DNER: variants seen among roughly 807,000 people sequenced by gnomAD.
The protein encoded by DNER is delta/notch like EGF repeat containing, also known as delta and Notch-like epidermal growth factor-related receptor.
A neutral mutation model predicts 78.2 loss-of-function variants in DNER; 33 were observed. That is an observed-to-expected ratio of 0.42 (90% confidence interval 0.32 to 0.56). The LOEUF (loss-of-function observed/expected upper bound fraction) is 0.56, where lower values mean the gene tolerates loss of function less well. DNER is among the 20% of genes least tolerant of loss of function. DNER has a pLI of 0.11. For synonymous variants in DNER, 417 were observed against 384.8 expected, an observed-to-expected ratio of 1.08 and a Z score of -0.98; for missense variants, 918 against 975.3, an observed-to-expected ratio of 0.94 and a Z score of 0.78.
chr2:229,617,542 AAC>A (rs1283010536), intron 1 of DNER, among the ~76,000 whole-genome samples: 1 of 144,774 alleles, frequency 6.9e-6, no homozygotes, highest in East Asian at 1.9e-4. Flanking sequence ...TCAATTTTCT[AAC>A]ACACAAAAAA....
chr2:229,366,928 A>G lies in DNER; in HGVS notation c.2047T>C (p.Cys683Arg), dbSNP rs561051341. 1.2e-6 allele frequency: 2 copies of G among 1,614,088 alleles called. No homozygotes were observed. Among genetic ancestry groups the G allele is most frequent in the Non-Finnish European group, 1.7e-6 (2 of 1,180,046 alleles). Residue 683 changes from cysteine to arginine, a missense_variant, in exon 12 of 13, where the codon TGC becomes CGC. Coordinates refer to ENST00000341772, the MANE Select transcript of DNER (RefSeq NM_139072.4). ...SRPAYEEFYN[C>R]RSIDSEFSNA... ...CTGAACTCGCTGTCGATGCTGCGGC[A>G]GTTGTAGAACTCCTCATAGGCTGGC...
chr2:229,707,650 G>A (rs1443346148), intron 1 of DNER, among the ~76,000 whole-genome samples: 2 of 152,192 alleles, frequency 1.3e-5, no homozygotes, highest in African/African-American at 4.8e-5. Flanking sequence ...TGCAACTGGG[G>A]GAGAAGAGAG....
chr2:229,447,641 C>G (rs1694368447), intron 7 of DNER, 101 bp from the exon 8 acceptor site: 1 of 1,251,474 alleles, frequency 8.0e-7, no homozygotes, highest in East Asian at 2.6e-5. Context: ...ACAATTAATT[C>G]ATTCACAGCT....
intron 5 of DNER, among the ~76,000 whole-genome samples, chr2:229,536,072 T>C (rs1574890407): frequency 6.6e-6 from 1 of 152,336 alleles, no homozygotes; most frequent in East Asian, 1.9e-4. Context: ...TAAAGTCATA[T>C]TTGGAGTGGG....
chr2:229,402,577 G>T (rs1693291026), intron 10 of DNER, among the ~76,000 whole-genome samples: 1 of 152,166 alleles, frequency 6.6e-6, no homozygotes, highest in African/African-American at 2.4e-5. Flanking sequence ...AATGCACAAG[G>T]ATTTCCTGCT....
chr2:229,531,449 C>T (rs1696300340), intron 5 of DNER, among the ~76,000 whole-genome samples: 1 of 151,892 alleles, frequency 6.6e-6, no homozygotes. Context: ...AAAATGCAAC[C>T]AAAAGCACAA....
At position 229,397,472 on chromosome 2, in the gene DNER, A is replaced by AAAAAAAAAAAAAAC. The variant is rs1324937266; in HGVS notation, c.1724-9077_1724-9076insGTTTTTTTTTTTTT. ...CTCCAGCCAAACACTACAAAAAAAA[A>AAAAAAAAAAAAAAC]AAAAAAACTGCAAGTCCCCTCACCC... On this transcript the variant is annotated intron_variant, in intron 10 of 12. Transcript: ENST00000341772. Among the ~76,000 whole-genome samples, 9 of 150,792 alleles carry AAAAAAAAAAAAAAC rather than the reference A, an allele frequency of 6.0e-5. 1 individual carries two copies. The highest frequency in any genetic ancestry group is 2.1e-4 in the South Asian group (1 of 4,772).
rs558472565 is a variant in DNER, at chr2:229,542,946, G to A, written c.993+4001C>T. 8.5e-5 allele frequency among the ~76,000 whole-genome samples: 13 copies of A among 152,224 alleles called. No individual in the cohort carries two copies. The South Asian group carries it at 1.7e-3, about 19-fold the overall frequency. On this transcript the variant is annotated intron_variant, in intron 5 of 12. Coordinates refer to ENST00000341772, the MANE Select transcript of DNER (RefSeq NM_139072.4). The stretch of plus-strand genomic sequence containing the variant: ...ATCATTTGCTTAGAGTCACTGAGGG[G>A]TAATAATAATGGCTCAGATAAGATT...
intron 1 of DNER, among the ~76,000 whole-genome samples, chr2:229,650,215 C>G (rs550856041): frequency 3.9e-5 from 6 of 152,272 alleles, no homozygotes; most frequent in Admixed American, 3.3e-4. Context: ...GAGATTCAAC[C>G]CTTCACTTGG....
rs559654266 is a variant in DNER, at chr2:229,390,921, C to A, written c.1724-2525G>T. 3.3e-5 allele frequency among the ~76,000 whole-genome samples: 5 copies of A among 152,264 alleles called. No homozygotes were observed. The East Asian group carries it at 5.8e-4, about 18-fold the overall frequency. On this transcript the variant is annotated intron_variant, in intron 10 of 12. Transcript: ENST00000341772. ...TTATTCCTTGGGTTTATTGTAATGG[C>A]CTCTTTTATAGACAAACCCTCCTAC...
At chr2:229,423,865 G>A (rs1693815455) in intron 8 of DNER, among the ~76,000 whole-genome samples, 1 of 152,082 alleles carries the variant, frequency 6.6e-6, no homozygotes, top group Admixed American at 6.5e-5. Context: ...AACTCATCAC[G>A]ACACTCAGCT....
intron 4 of DNER, among the ~76,000 whole-genome samples, chr2:229,576,028 T>C (rs1697291847): frequency 6.6e-6 from 1 of 152,198 alleles, no homozygotes; most frequent in Non-Finnish European, 1.5e-5. Context: ...TTTCCTCTGC[T>C]TTTGTTCTTT....
chr2:229,654,644 G>C (rs1266968350), intron 1 of DNER, among the ~76,000 whole-genome samples: 1 of 152,100 alleles, frequency 6.6e-6, no homozygotes, highest in Non-Finnish European at 1.5e-5. Context: ...TGGCCTTCGG[G>C]CACTGCCTAT....
In DNER at chr2:229,698,982, A is replaced by T. The variant is rs773207369; in HGVS notation, c.276+15166T>A. 1.3e-4 allele frequency among the ~76,000 whole-genome samples: 20 copies of T among 152,214 alleles called. 1 individual carries two copies. Among genetic ancestry groups the T allele is most frequent in the Admixed American group, 4.6e-4 (7 of 15,282 alleles). On this transcript the variant is annotated intron_variant, in intron 1 of 12. Coordinates refer to ENST00000341772, the MANE Select transcript of DNER (RefSeq NM_139072.4). The stretch of plus-strand genomic sequence containing the variant: ...ATAAGGCTGTTCTCAAGGGGAAAGG[A>T]GCTAAAAATACAATATGGAGAGTAA...
intron 1 of DNER, among the ~76,000 whole-genome samples, chr2:229,613,410 C>T (rs1447238452): frequency 2.0e-5 from 3 of 152,090 alleles, no homozygotes; most frequent in East Asian, 1.9e-4. Flanking sequence ...CAATGCATTG[C>T]GTAGAAAATA....
In DNER at chr2:229,367,118, G is replaced by T; in HGVS notation, c.1857C>A (p.His619Gln). 6.2e-7 allele frequency: 1 copy of T among 1,614,036 alleles called. No homozygotes were observed. The highest frequency in any genetic ancestry group is 8.5e-7 in the Non-Finnish European group (1 of 1,179,982). Reference protein sequence around the residue: ...HGWVGANCEIHLQWKSGHMAE... With the variant: ...HGWVGANCEIQLQWKSGHMAE... ...CCATGTGCCCGGACTTCCATTGGAG[G>T]TCTGCAGGCAAAAATAAGCAAATGG... is the stretch of plus-strand genomic sequence containing the variant. The change falls in exon 12 of 13, where the codon CAC becomes CAA. Residue 619 changes from histidine (H) to glutamine (Q), a missense_variant and splice_region_variant. Coordinates refer to ENST00000341772, the MANE Select transcript of DNER (RefSeq NM_139072.4).
intron 1 of DNER, among the ~76,000 whole-genome samples, chr2:229,712,596 C>A (rs541796298): frequency 7.9e-5 from 12 of 152,228 alleles, no homozygotes; most frequent in Non-Finnish European, 1.5e-4. Context: ...CAGGAAAAGT[C>A]ATATAAATCA....
chr2:229,463,171 AT>A (rs1694737876), intron 7 of DNER, among the ~76,000 whole-genome samples: 1 of 152,030 alleles, frequency 6.6e-6, no homozygotes, highest in Non-Finnish European at 1.5e-5. Context: ...TCCTCTCACC[AT>A]TGTGCCTTGG....
chr2:229,704,701 T>C (rs961583041), intron 1 of DNER, among the ~76,000 whole-genome samples: 2 of 152,086 alleles, frequency 1.3e-5, no homozygotes, highest in Admixed American at 1.3e-4. Flanking sequence ...CATGAGGAAA[T>C]GTATAGGGAT....
Sources: gnomAD v4.1 joint callset for allele counts (sites outside exome capture counted in the v4.1 genomes callset) on GRCh38, gnomAD v4.1.1 for gene constraint, MANE v1.5 for transcripts, NCBI Gene and HGNC (gene_info 2026-07-23, HGNC 2026-07-21) for gene names.